METTL15: variants seen among roughly 807,000 people sequenced by gnomAD.
METTL15 encodes the protein 12S rRNA N(4)-cytidine methyltransferase METTL15.
METTL15 carries 34 observed loss-of-function variants against 38.3 expected under a neutral mutation model. The observed-to-expected ratio is 0.89, with a 90% CI of 0.68 to 1.18. The LOEUF is 1.18. METTL15 is among the 50% of genes most tolerant of loss of function. METTL15 has a pLI of 0.00. For missense variants in METTL15, 438 were observed against 498.4 expected (o/e 0.88, Z 1.15); for synonymous variants, 162 against 170.9 (o/e 0.95, Z 0.41).
rs530155166 is a variant in METTL15, at chr11:28,293,685, T to C, written c.600-3068T>C. ...TCACGATATTGATTCTTCCTACCCA[T>C]GAGCATGGAATGTTCTTCCATTTGT... On this transcript the variant is annotated intron_variant, in intron 5 of 6. Coordinates refer to ENST00000407364, the MANE Select transcript of METTL15 (RefSeq NM_001113528.2). Among the ~76,000 whole-genome samples the C allele has an allele frequency of 3.7e-3, 564 of 152,110 alleles. 5 individuals carry two copies. The highest frequency in any genetic ancestry group is 7.5e-3 in the Admixed American group (114 of 15,280).
intron 5 of METTL15, among the ~76,000 whole-genome samples, chr11:28,388,565 A>G (rs1850465540): frequency 6.6e-6 from 1 of 152,338 alleles, no homozygotes; most frequent in Non-Finnish European, 1.5e-5. Flanking sequence ...AAAGAAACAA[A>G]TAAATGTAAA....
chr11:28,492,983 C>T (rs1370827026), intron 6 of METTL15, among the ~76,000 whole-genome samples: 3 of 152,028 alleles, frequency 2.0e-5, no homozygotes, highest in African/African-American at 7.2e-5. Context: ...CATAAGGGTC[C>T]CTTGTCAACA....
In METTL15 at chr11:28,330,839, T is replaced by A. The variant is rs1175212150; in HGVS notation, c.1222T>A (p.Ter408LysextTer38). ...CAAGCTTAGAGCAGCTATCAAATTATAAGTTATCATCATCTTATTCTTCAA... is the reference window on the plus strand; with the variant it reads ...CAAGCTTAGAGCAGCTATCAAATTAAAAGTTATCATCATCTTATTCTTCAA... ...SAKLRAAIKL[*>K] is the part of the protein sequence containing the mutation. The change falls in exon 7 of 7, where the codon TAA (stop) becomes AAA (lysine). Residue 408 changes from the stop codon to lysine (K), a stop_lost. Coordinates refer to ENST00000407364, the MANE Select transcript of METTL15 (RefSeq NM_001113528.2). 7 of 1,530,352 alleles carry A rather than the reference T, an allele frequency of 4.6e-6. No homozygotes were observed. In the Admixed American group the frequency reaches 1.5e-4, roughly 34 times the overall value. 94.8% of individuals were successfully genotyped at this position (1,530,352 alleles called of 1,614,324 possible).
chr11:28,521,305 G>A (rs1310781612), intron 6 of METTL15, among the ~76,000 whole-genome samples: 1 of 152,132 alleles, frequency 6.6e-6, no homozygotes, highest in African/African-American at 2.4e-5. Context: ...GGGCCTGTCC[G>A]AATGCCCGAA....
chr11:28,390,485 A>T (rs886287579), intron 5 of METTL15, among the ~76,000 whole-genome samples: 22 of 152,170 alleles, frequency 1.4e-4, no homozygotes, highest in African/African-American at 4.8e-4. Flanking sequence ...TTAAATAGGG[A>T]ATCCTTTCCC....
At chr11:28,253,495 A>G (rs1854833904) in intron 4 of METTL15, among the ~76,000 whole-genome samples, 1 of 152,194 alleles carries the variant, frequency 6.6e-6, no homozygotes, top group South Asian at 2.1e-4. Context: ...AAAATATACA[A>G]TTAAGTTATT....
At chr11:28,264,909 T>A (rs1855351161) in intron 4 of METTL15, among the ~76,000 whole-genome samples, 1 of 152,154 alleles carries the variant, frequency 6.6e-6, no homozygotes, top group South Asian at 2.1e-4. Flanking sequence ...TGATCATGCA[T>A]AAGTGATATG....
chr11:28,356,814 C>T (rs1000209659), intron 4 of METTL15, among the ~76,000 whole-genome samples: 2 of 152,182 alleles, frequency 1.3e-5, no homozygotes. Flanking sequence ...GCTAAAACAT[C>T]TTCAAGCCAC....
intron 6 of METTL15, among the ~76,000 whole-genome samples, chr11:28,439,132 A>G (rs1297072500): frequency 6.6e-6 from 1 of 152,016 alleles, no homozygotes; most frequent in Non-Finnish European, 1.5e-5. Context: ...ATTTTTGTTC[A>G]GTCTTAGATG....
chr11:28,223,039 G>C (rs552218663), intron 4 of METTL15, among the ~76,000 whole-genome samples: 1 of 152,166 alleles, frequency 6.6e-6, no homozygotes, highest in African/African-American at 2.4e-5. Flanking sequence ...TGCAGAAAAG[G>C]ATACTTTCAT....
At chr11:28,272,280 G>A (rs373106044) in intron 4 of METTL15, among the ~76,000 whole-genome samples, 4 of 152,254 alleles carry the variant, frequency 2.6e-5, no homozygotes, top group African/African-American at 9.6e-5. Context: ...TATGTTTACT[G>A]CAGCACTGTT....
intron 3 of METTL15, among the ~76,000 whole-genome samples, chr11:28,350,365 A>G (rs1404674821): frequency 6.6e-6 from 1 of 152,232 alleles, no homozygotes; most frequent in African/African-American, 2.4e-5. Flanking sequence ...CCTATTTCAC[A>G]ATTTGAATGT....
downstream of METTL15, chr11:28,527,096 A>T (rs2133518523): frequency 1.3e-5 from 2 of 152,344 alleles, no homozygotes; most frequent in South Asian, 4.1e-4. Flanking sequence ...ACTTGGTTGA[A>T]TGATGTTTAA....
rs1366390234 is a variant in METTL15, at chr11:28,223,812, C to A, written c.407+12614C>A. 2.6e-5 allele frequency among the ~76,000 whole-genome samples: 4 copies of A among 152,004 alleles called. No homozygotes were observed. The East Asian group carries it at 7.7e-4, about 29-fold the overall frequency. On this transcript the variant is annotated intron_variant, in intron 4 of 6. Transcript: ENST00000407364. The stretch of plus-strand genomic sequence containing the variant: ...AACTTTTTGCTGTTGCCTCTGAAGA[C>A]TGTATAAGAGGAAACACATTTAACT...
intron 4 of METTL15, among the ~76,000 whole-genome samples, chr11:28,270,184 T>A (rs1022459164): frequency 1.3e-5 from 2 of 152,206 alleles, no homozygotes; most frequent in Non-Finnish European, 2.9e-5. Context: ...ATATAATTTT[T>A]AAAATATGGC....
At chr11:28,367,944 C>T (rs1238012168) in intron 5 of METTL15, among the ~76,000 whole-genome samples, 2 of 151,858 alleles carry the variant, frequency 1.3e-5, no homozygotes, top group South Asian at 4.2e-4. Context: ...AAAATCAACT[C>T]AAGATGGATC....
chr11:28,402,433 A>G (rs1272398096), intron 5 of METTL15, among the ~76,000 whole-genome samples: 4 of 151,902 alleles, frequency 2.6e-5, no homozygotes, highest in African/African-American at 9.7e-5. Flanking sequence ...ACTTCAGGAT[A>G]AAGTTTAAAT....
chr11:28,132,325 T>G lies in METTL15; in HGVS notation c.270+18721T>G, dbSNP rs1459172279. Among the ~76,000 whole-genome samples the G allele has an allele frequency of 2.6e-5, 4 of 152,118 alleles. No individual in the cohort carries two copies. In the East Asian group the frequency reaches 7.7e-4, roughly 29 times the overall value. ...TATGTAATAATATACAATTATATTG[T>G]ATGGGTGATATGGGTGGTATCTTTC... On this transcript the variant is annotated intron_variant, in intron 3 of 6. Transcript: ENST00000407364.
chr11:28,484,479 T>C (rs1413175422), intron 6 of METTL15, among the ~76,000 whole-genome samples: 1 of 152,174 alleles, frequency 6.6e-6, no homozygotes, highest in Admixed American at 6.5e-5. Context: ...CCGGACTGCC[T>C]ATGGTATGCT....
Sources: allele counts gnomAD v4.1 joint callset (sites outside exome capture counted in the v4.1 genomes callset), GRCh38; gene constraint gnomAD v4.1.1; transcripts MANE v1.5; gene names NCBI Gene and HGNC (gene_info 2026-07-23, HGNC 2026-07-21).